Variants in FRMD4A observed in about 807,000 individuals in gnomAD.
FRMD4A encodes FERM domain-containing protein 4A.
FRMD4A carries 29 observed loss-of-function variants against 129.1 expected under a neutral mutation model. The observed-to-expected ratio is 0.22, with a 90% CI of 0.17 to 0.31. The LOEUF (loss-of-function observed/expected upper bound fraction) is 0.31, where lower values mean the gene tolerates loss of function less well. Ranked by LOEUF, FRMD4A falls within the 10% of genes least tolerant of loss-of-function variation. The probability of loss-of-function intolerance (pLI) is 1.00; values close to 1 mark genes in which losing one functional copy is unlikely to be tolerated. For synonymous variants in FRMD4A, 634 were observed against 571.6 expected, an observed-to-expected ratio of 1.11 and a Z score of -1.56; for missense variants, 1,272 against 1,375.8, an observed-to-expected ratio of 0.92 and a Z score of 1.19.
intron 4 of FRMD4A, among the ~76,000 whole-genome samples, chr10:13,799,558 A>C (rs899494214): frequency 2.6e-5 from 4 of 152,162 alleles, no homozygotes; most frequent in African/African-American, 9.7e-5. Flanking sequence ...AATTATCTTA[A>C]GCTGCAACCA....
intron 2 of FRMD4A, among the ~76,000 whole-genome samples, chr10:14,273,997 G>GT (rs1325717502): frequency 6.6e-6 from 1 of 152,162 alleles, no homozygotes; most frequent in Non-Finnish European, 1.5e-5. Flanking sequence ...GAGGGAGATG[G>GT]TGGGGGGAGA....
chr10:14,237,088 G>A (rs965257988), intron 2 of FRMD4A, among the ~76,000 whole-genome samples: 1 of 151,158 alleles, frequency 6.6e-6, no homozygotes, highest in Non-Finnish European at 1.5e-5. Context: ...GCCCTTGCTG[G>A]TCTTGAACTC....
intron 2 of FRMD4A, among the ~76,000 whole-genome samples, chr10:14,111,095 T>C (rs1837876953): frequency 6.6e-6 from 1 of 152,210 alleles, no homozygotes; most frequent in South Asian, 2.1e-4. Context: ...CCTAAACATT[T>C]TCATCTTGCA....
intron 2 of FRMD4A, among the ~76,000 whole-genome samples, chr10:14,121,705 C>G (rs1420187399): frequency 6.6e-6 from 1 of 152,194 alleles, no homozygotes; most frequent in African/African-American, 2.4e-5. Flanking sequence ...AAACCTGCAT[C>G]TCTCACAAGC....
At chr10:14,301,097 T>C (rs1171475771) in intron 2 of FRMD4A, among the ~76,000 whole-genome samples, 2 of 152,156 alleles carry the variant, frequency 1.3e-5, no homozygotes, top group Non-Finnish European at 2.9e-5. Flanking sequence ...ATAGTAAAGA[T>C]CAAGCGAGAT....
At chr10:14,309,110 G>T (rs1432012457) in intron 2 of FRMD4A, among the ~76,000 whole-genome samples, 1 of 152,172 alleles carries the variant, frequency 6.6e-6, no homozygotes, top group Non-Finnish European at 1.5e-5. Flanking sequence ...AGGGGACAGA[G>T]AATTTCTCAA....
rs773754820 is a variant in FRMD4A at position 13,796,521 on chromosome 10, G to C, written c.274C>G (p.Pro92Ala). Reference sequence around the variant, plus strand: ...CTGACACAAAAGTATAAAACCACGGGTCCTGACTTTTTAGGGAAGTCATGT... The same window carrying C: ...CTGACACAAAAGTATAAAACCACGGCTCCTGACTTTTTAGGGAAGTCATGT... ...LEHDFPKKSG[P>A]VVLYFCVRFY... The change falls in exon 5 of 25, where the codon CCC becomes GCC. Residue 92 changes from proline (P) to alanine (A), a missense_variant. By Grantham distance (27) the Pro-to-Ala change is conservative. Around this residue, in one of 2 missense-constraint regions of FRMD4A, gnomAD observed 300 missense variants for 483.6 expected, o/e 0.62. Transcript: ENST00000357447. 6.3e-7 allele frequency: 1 copy of C among 1,585,102 alleles called. No homozygotes were observed. Among genetic ancestry groups the C allele is most frequent in the Non-Finnish European group, 8.7e-7 (1 of 1,153,604 alleles).
chr10:14,035,440 AAAG>A (rs1341829614), intron 2 of FRMD4A, among the ~76,000 whole-genome samples: 3 of 151,836 alleles, frequency 2.0e-5, no homozygotes, highest in African/African-American at 7.3e-5. Context: ...AAAAAAAAAA[AAAG>A]AAGAAAAAAA....
At chr10:13,987,242 CAGCAG>C (rs1206338779) in intron 2 of FRMD4A, among the ~76,000 whole-genome samples, 1 of 152,122 alleles carries the variant, frequency 6.6e-6, no homozygotes, top group East Asian at 1.9e-4. Flanking sequence ...ATAGAAACCC[CAGCAG>C]AGCAACTGGC....
intron 2 of FRMD4A, among the ~76,000 whole-genome samples, chr10:14,231,762 T>A (rs947218845): frequency 9.9e-5 from 15 of 152,220 alleles, no homozygotes; most frequent in African/African-American, 3.6e-4. Flanking sequence ...TTTTTGCTCA[T>A]TTTTAAGGGG....
At chr10:14,028,131 T>G (rs1321730574) in intron 2 of FRMD4A, among the ~76,000 whole-genome samples, 1 of 152,264 alleles carries the variant, frequency 6.6e-6, no homozygotes, top group African/African-American at 2.4e-5. Context: ...CTACCTGTTA[T>G]ATATTTTTTT....
intron 2 of FRMD4A, among the ~76,000 whole-genome samples, chr10:13,955,913 T>C (rs1465915792): frequency 2.0e-5 from 3 of 152,198 alleles, no homozygotes; most frequent in Non-Finnish European, 4.4e-5. Context: ...TATTTTCCAG[T>C]TTCTCCCATT....
chr10:14,253,033 T>C (rs1488925656), intron 2 of FRMD4A, among the ~76,000 whole-genome samples: 1 of 152,218 alleles, frequency 6.6e-6, no homozygotes, highest in African/African-American at 2.4e-5. Flanking sequence ...ATAATTTACA[T>C]TAAACCCAAA....
chr10:13,697,969 T>G (rs2134853323), intron 14 of FRMD4A, among the ~76,000 whole-genome samples: 1 of 152,310 alleles, frequency 6.6e-6, no homozygotes, highest in African/African-American at 2.4e-5. Context: ...CAATTATAAT[T>G]GGTGCCTGTG....
intron 12 of FRMD4A, among the ~76,000 whole-genome samples, chr10:13,731,649 CAAAAAAA>C (rs35512356): frequency 2.6e-5 from 3 of 116,586 alleles, no homozygotes; most frequent in Non-Finnish European, 5.2e-5. Flanking sequence ...GACTTCATCT[CAAAAAAA>C]AAAAAAAAAA....
chr10:14,129,067 C>A (rs1053675700), intron 2 of FRMD4A, among the ~76,000 whole-genome samples: 2 of 151,932 alleles, frequency 1.3e-5, no homozygotes, highest in Non-Finnish European at 2.9e-5. Flanking sequence ...TGTGGCCCCC[C>A]CAATACCCTA....
At position 13,747,175 on chromosome 10, in the gene FRMD4A, T is replaced by TA. The variant is rs55979611; in HGVS notation, c.548+560dup. ...TTTAGAAGGTATTCTTTTTGAAAATTAAAAAAAAAAAGAAGAAGAAACAAA... is the reference window on the plus strand; with the variant it reads ...TTTAGAAGGTATTCTTTTTGAAAATTAAAAAAAAAAAAGAAGAAGAAACAAA... On this transcript the variant is annotated intron_variant, in intron 9 of 24. Transcript: ENST00000357447. 1.8e-3 allele frequency among the ~76,000 whole-genome samples: 268 copies of TA among 147,362 alleles called. 1 individual carries two copies. Among genetic ancestry groups the TA allele is most frequent in the East Asian group, 4.0e-3 (20 of 5,036 alleles).
chr10:14,278,417 A>G (rs1467121278), intron 2 of FRMD4A, among the ~76,000 whole-genome samples: 2 of 152,132 alleles, frequency 1.3e-5, no homozygotes, highest in Admixed American at 1.3e-4. Context: ...TCAGTGATTT[A>G]TTTCTTGTTA....
intron 9 of FRMD4A, 34 bp downstream of exon 9, chr10:13,747,702 G>T (rs748489803): frequency 3.5e-6 from 4 of 1,145,896 alleles, no homozygotes; most frequent in Non-Finnish European, 5.3e-6. Context: ...CCCCGAGAGG[G>T]ACTCGCTCCT....
Sources: gnomAD v4.1 joint callset for allele counts (sites outside exome capture counted in the v4.1 genomes callset) on GRCh38, gnomAD v4.1.1 for gene constraint, gnomAD v4.1.1 regional missense constraint, MANE v1.5 for transcripts, NCBI Gene and HGNC (gene_info 2026-07-23, HGNC 2026-07-21) for gene names.